The following OR7C1 variants were observed in gnomAD, a reference collection of about 807,000 sequenced individuals.
OR7C1 encodes olfactory receptor family 7 subfamily C member 1.
For missense variants in OR7C1, 324 were observed against 383.3 expected (o/e 0.85, Z 1.29); for synonymous variants, 152 against 160.7 (o/e 0.95, Z 0.41).
At chr19:14,822,727 T>A (rs2044747113) in intron 1 of OR7C1, among the ~76,000 whole-genome samples, 1 of 152,060 alleles carries the variant, frequency 6.6e-6, no homozygotes, top group East Asian at 1.9e-4. Context: ...TGAGGTGACA[T>A]CTCATTGTGG....
At chr19:14,805,420 T>A (rs1276379710) in intron 2 of OR7C1, among the ~76,000 whole-genome samples, 2 of 144,970 alleles carry the variant, frequency 1.4e-5, no homozygotes, top group African/African-American at 5.2e-5. Flanking sequence ...TTTTTTTTTT[T>A]TTTTTTTTTT....
At chr19:14,827,680 C>T (rs778409583) in intron 1 of OR7C1, 2 of 1,614,166 alleles carry the variant, frequency 1.2e-6, no homozygotes, top group Non-Finnish European at 1.7e-6. Flanking sequence ...TCAGAACAAG[C>T]AAGTTGGATG....
rs529586066 is a variant in OR7C1, at chr19:14,806,691, A to G, written c.-435+3115T>C. On this transcript the variant is annotated intron_variant, in intron 2 of 4. Transcript: ENST00000641666. Reference sequence around the variant, plus strand: ...AGGATGATGGCTTCCAGCTTCATCCATGTCCCTGCAAAGGACATGGTCTTG... The same window carrying G: ...AGGATGATGGCTTCCAGCTTCATCCGTGTCCCTGCAAAGGACATGGTCTTG... 8.2e-4 allele frequency among the ~76,000 whole-genome samples: 125 copies of G among 152,066 alleles called. 3 individuals carry two copies. The highest frequency in any genetic ancestry group is 2.9e-3 in the African/African-American group (118 of 41,368).
At chr19:14,799,166 C>G in exon 5 of OR7C1, 7 of 1,596,382 alleles carry the variant, frequency 4.4e-6, no homozygotes, top group Non-Finnish European at 6.0e-6. Context: ...TGGTCCAAGC[C>G]TTGCTACTTA....
At chr19:14,833,431 A>T (rs1263646780) in intron 1 of OR7C1, among the ~76,000 whole-genome samples, 2 of 152,250 alleles carry the variant, frequency 1.3e-5, no homozygotes, top group Non-Finnish European at 2.9e-5. Context: ...GTGAGCCAAG[A>T]TCGCACCACT....
rs554405644 is a variant in OR7C1 at position 14,808,813 on chromosome 19, C to A, written c.-435+993G>T. 5.8e-4 allele frequency among the ~76,000 whole-genome samples: 88 copies of A among 152,118 alleles called. 1 individual carries two copies. The highest frequency in any genetic ancestry group is 2.1e-3 in the African/African-American group (88 of 41,402). ...TTTATGTAGACACATTTCAACCTAA[C>A]AGCACAGAATGCTTTGTCCTCGTTA... is the stretch of plus-strand genomic sequence containing the variant. On this transcript the variant is annotated intron_variant, in intron 2 of 4. Coordinates refer to ENST00000641666, the Ensembl canonical transcript of OR7C1.
At chr19:14,819,433 T>C (rs2044731155) in intron 1 of OR7C1, among the ~76,000 whole-genome samples, 4 of 152,096 alleles carry the variant, frequency 2.6e-5, no homozygotes, top group Admixed American at 1.3e-4. Context: ...TGGTTTTCTG[T>C]TCCTGGGTCA....
At chr19:14,832,912 A>G (rs1262004117) in intron 1 of OR7C1, among the ~76,000 whole-genome samples, 1 of 152,248 alleles carries the variant, frequency 6.6e-6, no homozygotes, top group African/African-American at 2.4e-5. Context: ...ACATAAATTA[A>G]TAAATTGGCA....
intron 1 of OR7C1, among the ~76,000 whole-genome samples, chr19:14,821,875 T>C (rs1253731486): frequency 6.6e-6 from 1 of 152,230 alleles, no homozygotes; most frequent in African/African-American, 2.4e-5. Context: ...ACACAAAATG[T>C]CCCTCACCAT....
In OR7C1 at chr19:14,828,018, G is replaced by A. The variant is rs1568253883; in HGVS notation, c.-623+7056C>T. 2 of 1,614,196 alleles carry A rather than the reference G, an allele frequency of 1.2e-6. No homozygotes were observed. Among genetic ancestry groups the A allele is most frequent in the Non-Finnish European group, 1.7e-6 (2 of 1,180,044 alleles). On this transcript the variant is annotated intron_variant, in intron 1 of 4. Transcript: ENST00000641666. ...CATCAGCATTTTTGGAATGGTGGTG[G>A]AAGTAACACAAATGTCAGCAAAGGA...
At chr19:14,823,767 C>T (rs1044567632) in intron 1 of OR7C1, among the ~76,000 whole-genome samples, 2 of 152,258 alleles carry the variant, frequency 1.3e-5, no homozygotes, top group East Asian at 1.9e-4. Flanking sequence ...CTAGTTTCAT[C>T]CGTGTTTGAG....
intron 2 of OR7C1, among the ~76,000 whole-genome samples, chr19:14,807,181 C>T (rs1186179656): frequency 6.6e-6 from 1 of 151,838 alleles, no homozygotes; most frequent in Non-Finnish European, 1.5e-5. Context: ...TAAATGTCTC[C>T]TTTTGAGAAG....
At chr19:14,806,422 G>A (rs918063636) in intron 2 of OR7C1, among the ~76,000 whole-genome samples, 2 of 151,942 alleles carry the variant, frequency 1.3e-5, no homozygotes, top group Non-Finnish European at 2.9e-5. Flanking sequence ...TACAGGACAT[G>A]CAGATTTGTT....
chr19:14,824,228 T>C (rs535798721), intron 1 of OR7C1: 1 of 152,322 alleles, frequency 6.6e-6, no homozygotes, highest in East Asian at 1.9e-4. Context: ...GTAACTTTCT[T>C]TTTCAACTTT....
chr19:14,816,152 A>G (rs1841323348), intron 1 of OR7C1, among the ~76,000 whole-genome samples: 1 of 152,166 alleles, frequency 6.6e-6, no homozygotes, highest in Non-Finnish European at 1.5e-5. Flanking sequence ...GGAAACTTTC[A>G]GTGAAAGGAG....
rs1441410005 is a variant in OR7C1, at chr19:14,830,694, A to G, written c.-623+4380T>C. Among the ~76,000 whole-genome samples, 3 of 152,250 alleles carry G rather than the reference A, an allele frequency of 2.0e-5. 1 individual carries two copies. The highest frequency in any genetic ancestry group is 4.4e-5 in the Non-Finnish European group (3 of 68,040). On this transcript the variant is annotated intron_variant, in intron 1 of 4. Coordinates refer to ENST00000641666, the Ensembl canonical transcript of OR7C1. Reference sequence around the variant, plus strand: ...TAGCTTTCCTTTTGGAACTAGAAATAAGTAAATAAAGTTATCCAAAAGACA... The same window carrying G: ...TAGCTTTCCTTTTGGAACTAGAAATGAGTAAATAAAGTTATCCAAAAGACA...
chr19:14,816,324 C>CA (rs1568250662), intron 1 of OR7C1, among the ~76,000 whole-genome samples: 1 of 151,892 alleles, frequency 6.6e-6, no homozygotes, highest in Admixed American at 6.6e-5. Flanking sequence ...AGGGTGTTGC[C>CA]AAAAAAGATT....
intron 2 of OR7C1, among the ~76,000 whole-genome samples, chr19:14,803,961 G>A (rs904533794): frequency 6.6e-6 from 1 of 151,882 alleles, no homozygotes; most frequent in South Asian, 2.1e-4. Flanking sequence ...CACCTGCCTC[G>A]GCCTCCGAAA....
At chr19:14,828,212 T>C (rs758464738) in intron 1 of OR7C1, 1 of 1,612,520 alleles carries the variant, frequency 6.2e-7, no homozygotes, top group Admixed American at 1.7e-5. Context: ...GAAGAAATTC[T>C]GAAATTTGTG....
Sources: gnomAD v4.1 joint callset for allele counts (sites outside exome capture counted in the v4.1 genomes callset) on GRCh38, gnomAD v4.1.1 for gene constraint, MANE v1.5 for transcripts, NCBI Gene and HGNC (gene_info 2026-07-23, HGNC 2026-07-21) for gene names.